Variants in VWC2 observed in about 807,000 individuals in gnomAD.
The protein encoded by VWC2 is von Willebrand factor C domain containing 2, also known as brorin.
Under a neutral mutation model 29.8 loss-of-function variants are expected in VWC2, and 14 were observed. The observed-to-expected ratio is 0.47, with a 90% CI of 0.31 to 0.74. The LOEUF is 0.74. Ranked by LOEUF, VWC2 falls within the 30% of genes least tolerant of loss-of-function variation. The pLI, the probability that VWC2 is intolerant of heterozygous loss-of-function variation, is 0.05. For missense variants in VWC2, 457 were observed against 459.8 expected, an observed-to-expected ratio of 0.99 and a Z score of 0.05; for synonymous variants, 213 against 199.0, an observed-to-expected ratio of 1.07 and a Z score of -0.59.
At chr7:49,825,974 T>C (rs946931294) in intron 3 of VWC2, among the ~76,000 whole-genome samples, 1 of 152,224 alleles carries the variant, frequency 6.6e-6, no homozygotes, top group Admixed American at 6.5e-5. Context: ...TATTTGCAAC[T>C]GTTCTGCCAA....
chr7:49,897,062 A>AT (rs1350880161), intron 3 of VWC2, among the ~76,000 whole-genome samples: 8 of 151,476 alleles, frequency 5.3e-5, no homozygotes, highest in African/African-American at 1.7e-4. Context: ...CGCCCGGCTA[A>AT]TTTTTTGTAT....
chr7:49,898,278 T>C (rs1395942358), intron 3 of VWC2, among the ~76,000 whole-genome samples: 2 of 152,116 alleles, frequency 1.3e-5, no homozygotes, highest in African/African-American at 2.4e-5. Context: ...TATTATGAAC[T>C]GTTATCTTTT....
At chr7:49,856,701 A>C (rs1022018196) in intron 3 of VWC2, among the ~76,000 whole-genome samples, 1 of 152,130 alleles carries the variant, frequency 6.6e-6, no homozygotes, top group African/African-American at 2.4e-5. Flanking sequence ...AAGTTCTCTG[A>C]TGTCCTTTTG....
chr7:49,862,591 CT>C (rs1482058948), intron 3 of VWC2, among the ~76,000 whole-genome samples: 3 of 151,718 alleles, frequency 2.0e-5, no homozygotes, highest in Admixed American at 6.6e-5. Context: ...AAAATGTTAG[CT>C]GTAGGTTTTT....
chr7:49,875,507 G>A (rs1215473818), intron 3 of VWC2, among the ~76,000 whole-genome samples: 1 of 151,946 alleles, frequency 6.6e-6, no homozygotes, highest in East Asian at 1.9e-4. Context: ...GGGGAAGCTG[G>A]AGGAGAGCCA....
At chr7:49,775,066 A>T (rs1026834311) in intron 1 of VWC2, among the ~76,000 whole-genome samples, 1 of 151,880 alleles carries the variant, frequency 6.6e-6, no homozygotes, top group African/African-American at 2.4e-5. Flanking sequence ...TGGGCTCCGC[A>T]AGCCGCCCTT....
chr7:49,887,573 C>CTATA (rs1288835772), intron 3 of VWC2, among the ~76,000 whole-genome samples: 1,944 of 152,084 alleles, frequency 0.013, 52 homozygotes, highest in African/African-American at 0.044. Flanking sequence ...TCATTTGTGT[C>CTATA]TGTATGATAA....
At chr7:49,875,958 A>G (rs929484448) in intron 3 of VWC2, among the ~76,000 whole-genome samples, 2 of 152,178 alleles carry the variant, frequency 1.3e-5, no homozygotes, top group African/African-American at 4.8e-5. Flanking sequence ...AATGAGTCGA[A>G]GAAATTGGTG....
Position 49,785,572 on chromosome 7 carries a change from C to T in VWC2, c.696+9441C>T, listed in dbSNP as rs367816800. 4.1e-3 allele frequency among the ~76,000 whole-genome samples: 631 copies of T among 152,262 alleles called. 35 individuals are homozygous for T. In the South Asian group the frequency reaches 0.11, roughly 26 times the overall value. ...AGAAAGATAAATAAAAATATATTCA[C>T]ATCCAGCCATATTATAGAGACTGCA... is the stretch of plus-strand genomic sequence containing the variant. On this transcript the variant is annotated intron_variant, in intron 2 of 3. Transcript: ENST00000340652.
At chr7:49,823,848 A>C (rs1368564845) in intron 3 of VWC2, among the ~76,000 whole-genome samples, 1 of 152,190 alleles carries the variant, frequency 6.6e-6, no homozygotes, top group East Asian at 1.9e-4. Context: ...CATAACCACC[A>C]GTGATGAGCA....
chr7:49,888,093 T>A (rs1204209660), intron 3 of VWC2, among the ~76,000 whole-genome samples: 1 of 152,252 alleles, frequency 6.6e-6, no homozygotes, highest in Non-Finnish European at 1.5e-5. Context: ...GAGACTCTTC[T>A]CAGCCTCTTC....
chr7:49,803,611 C>T (rs768686768), intron 3 of VWC2, among the ~76,000 whole-genome samples: 12 of 152,136 alleles, frequency 7.9e-5, no homozygotes. Flanking sequence ...CTGGATGTTG[C>T]CCAGGGTATG....
chr7:49,870,570 G>A (rs184147747), intron 3 of VWC2, among the ~76,000 whole-genome samples: 70 of 152,300 alleles, frequency 4.6e-4, no homozygotes, highest in South Asian at 1.4e-3. Flanking sequence ...TTACACAGCT[G>A]AATACAGGGC....
At chr7:49,788,975 G>T (rs1788380423) in intron 2 of VWC2, among the ~76,000 whole-genome samples, 1 of 149,760 alleles carries the variant, frequency 6.7e-6, no homozygotes, top group South Asian at 2.1e-4. Flanking sequence ...GAGTGTGTGT[G>T]AGCATGTGTG....
intron 3 of VWC2, among the ~76,000 whole-genome samples, chr7:49,901,435 A>C (rs1234715440): frequency 6.6e-6 from 1 of 151,896 alleles, no homozygotes; most frequent in Non-Finnish European, 1.5e-5. Context: ...GTAATTTAAA[A>C]TTAAATACAT....
rs372893442 is a variant in VWC2 at position 49,870,293 on chromosome 7, G to A, written c.827-41741G>A. Among the ~76,000 whole-genome samples the A allele has an allele frequency of 8.5e-5, 13 of 152,226 alleles. No individual in the cohort carries two copies. The East Asian group carries it at 9.7e-4, about 11-fold the overall frequency. On this transcript the variant is annotated intron_variant, in intron 3 of 3. Transcript: ENST00000340652. ...CGGGCGCCTGTAGTCCCAGCTACTC[G>A]GGAGGCTGAGGCAGGAGAATGGCGT...
At chr7:49,865,761 C>T (rs1308319443) in intron 3 of VWC2, among the ~76,000 whole-genome samples, 1 of 152,210 alleles carries the variant, frequency 6.6e-6, no homozygotes, top group Non-Finnish European at 1.5e-5. Flanking sequence ...ACAAGCCAGC[C>T]TCCTGATCCA....
chr7:49,853,116 A>G (rs1475754289), intron 3 of VWC2, among the ~76,000 whole-genome samples: 2 of 152,316 alleles, frequency 1.3e-5, no homozygotes, highest in Middle Eastern at 3.4e-3. Context: ...CTCCCAGGCT[A>G]TGGGGCAGGG....
chr7:49,874,268 C>G (rs1178707805), intron 3 of VWC2, among the ~76,000 whole-genome samples: 1 of 152,200 alleles, frequency 6.6e-6, no homozygotes, highest in Non-Finnish European at 1.5e-5. Flanking sequence ...CATAGAATTA[C>G]AATACTGCAT....
Sources: gnomAD v4.1 joint callset for allele counts (sites outside exome capture counted in the v4.1 genomes callset) on GRCh38, gnomAD v4.1.1 for gene constraint, MANE v1.5 for transcripts, NCBI Gene and HGNC (gene_info 2026-07-23, HGNC 2026-07-21) for gene names.